FEM1B: variants seen among roughly 807,000 people sequenced by gnomAD.
FEM1B encodes protein fem-1 homolog B.
FEM1B carries 10 observed loss-of-function variants against 38.6 expected under a neutral mutation model. That is an observed-to-expected ratio of 0.26 (90% CI 0.16 to 0.44). FEM1B has a LOEUF of 0.44. FEM1B is among the 20% of genes least tolerant of loss of function. FEM1B has a pLI of 1.00. For synonymous variants in FEM1B, 288 were observed against 288.0 expected, an observed-to-expected ratio of 1.00 and a Z score of 0.00; for missense variants, 471 against 786.7, an observed-to-expected ratio of 0.60 and a Z score of 4.80.
Position 68,289,598 on chromosome 15 carries a change from C to T in FEM1B, c.249-9C>T. The stretch of plus-strand genomic sequence containing the variant: ...CTGTTATCTAACTGCTTATTCTTTT[C>T]ATGTGTAGGTATGTCATTGATGGTG... On this transcript the variant is annotated splice_polypyrimidine_tract_variant and intron_variant, in intron 1 of 1. Coordinates refer to ENST00000306917, the MANE Select transcript of FEM1B (RefSeq NM_015322.5). This position sits in a 1 kb window ranked among gnomAD's most constrained non-coding sequence, Gnocchi z 6.9. The T allele has an allele frequency of 6.2e-7, 1 of 1,609,438 alleles. No individual in the cohort carries two copies. Among genetic ancestry groups the T allele is most frequent in the African/African-American group, 1.3e-5 (1 of 74,868 alleles).
At chr15:68,287,670 G>A (rs1595841092) in intron 1 of FEM1B, among the ~76,000 whole-genome samples, 1 of 152,150 alleles carries the variant, frequency 6.6e-6, no homozygotes, top group East Asian at 1.9e-4. Context: ...TTTATGAACA[G>A]AAATTTATTT....
In FEM1B at chr15:68,294,354, T is replaced by TTTCA. The variant is rs765302188; in HGVS notation, c.*3115_*3118dup. 1 of 152,146 alleles carries TTTCA rather than the reference T, an allele frequency of 6.6e-6. No individual in the cohort carries two copies. The highest frequency in any genetic ancestry group is 1.5e-5 in the Non-Finnish European group (1 of 68,022). The allele number at this position is 152,146 out of a possible 1,614,324, so 9.4% of individuals were successfully genotyped here. ...CTGCTTGTTTCTGAGAAGGGTTTTA[T>TTTCA]TTCATTATACTAATAGTGGACTAAT... On this transcript the variant is annotated 3_prime_UTR_variant, in exon 2 of 2. Transcript: ENST00000306917. This position sits in a 1 kb window ranked among gnomAD's most constrained non-coding sequence, Gnocchi z 4.4.
rs146034870 is a variant in FEM1B, at chr15:68,281,431, G to A, written c.248+2766G>A. ...TTAGCTTCATCCCATGTAATTATGG[G>A]TTTGCTGTGTGTTTTGTGTGTGTGC... On this transcript the variant is annotated intron_variant, in intron 1 of 1. Coordinates refer to ENST00000306917, the MANE Select transcript of FEM1B (RefSeq NM_015322.5). This position sits in a 1 kb window ranked among gnomAD's most constrained non-coding sequence, Gnocchi z 5.1. 6.6e-6 allele frequency among the ~76,000 whole-genome samples: 1 copy of A among 152,134 alleles called. No homozygotes were observed. The highest frequency in any genetic ancestry group is 6.5e-5 in the Admixed American group (1 of 15,286).
Position 68,293,049 on chromosome 15 carries a change from G to T in FEM1B, c.*1807G>T, listed in dbSNP as rs1479075414. ...GGTTTTTAGGTTGGCTTAAATGGAGGTATTTATTTGAGTGAGCCCTAATTT... is the reference window on the plus strand; with the variant it reads ...GGTTTTTAGGTTGGCTTAAATGGAGTTATTTATTTGAGTGAGCCCTAATTT... On this transcript the variant is annotated 3_prime_UTR_variant, in exon 2 of 2. Coordinates refer to ENST00000306917, the MANE Select transcript of FEM1B (RefSeq NM_015322.5). This position sits in a 1 kb window ranked among gnomAD's most constrained non-coding sequence, Gnocchi z 5.8. 2 of 152,118 alleles carry T rather than the reference G, an allele frequency of 1.3e-5. No homozygotes were observed. Among genetic ancestry groups the T allele is most frequent in the Non-Finnish European group, 2.9e-5 (2 of 67,986 alleles). The allele number at this position is 152,118 out of a possible 1,614,324, so 9.4% of individuals were successfully genotyped here.
rs1365293006 is a variant in FEM1B, at chr15:68,278,360, G to A, written c.-58G>A. On this transcript the variant is annotated 5_prime_UTR_variant, in exon 1 of 2. Coordinates refer to ENST00000306917, the MANE Select transcript of FEM1B (RefSeq NM_015322.5). The surrounding 1 kb of genome is among the most constrained non-coding windows in gnomAD (Gnocchi z 5.7). ...AAAGCGCTGGCGAACGCGGCCTCCG[G>A]GGGCGCACGGCAGCTGCAGCGGTGG... is the stretch of plus-strand genomic sequence containing the variant. The A allele has an allele frequency of 2.6e-6, 4 of 1,563,918 alleles. No individual in the cohort carries two copies. The highest frequency in any genetic ancestry group is 3.5e-6 in the Non-Finnish European group (4 of 1,154,228).
Position 68,278,241 on chromosome 15 carries a change from T to C in FEM1B, c.-177T>C, listed in dbSNP as rs1229651911. On this transcript the variant is annotated 5_prime_UTR_variant, in exon 1 of 2. Coordinates refer to ENST00000306917, the MANE Select transcript of FEM1B (RefSeq NM_015322.5). This position sits in a 1 kb window ranked among gnomAD's most constrained non-coding sequence, Gnocchi z 5.7. ...GACGTGCCCTTCGCGGCACTCGGCC[T>C]CCTCTGCGTCTCCGCCTTCCCTGGG... The C allele has an allele frequency of 6.0e-6, 5 of 839,010 alleles. No homozygotes were observed. Among genetic ancestry groups the C allele is most frequent in the Non-Finnish European group, 8.9e-6 (5 of 564,214 alleles). The allele number at this position is 839,010 out of a possible 1,614,324, so 52.0% of individuals were successfully genotyped here. A position where few individuals can be genotyped will look rare whatever the true frequency, so the allele number is the denominator to read the frequency against.
chr15:68,286,374 CT>C (rs1446428803), intron 1 of FEM1B, among the ~76,000 whole-genome samples: 1 of 151,994 alleles, frequency 6.6e-6, no homozygotes, highest in Non-Finnish European at 1.5e-5. Context: ...TCAGTTCTTT[CT>C]TTCTCTCCTT....
rs1892893612 is a variant in FEM1B, at chr15:68,295,394, G to T, written c.*4152G>T. The stretch of plus-strand genomic sequence containing the variant: ...TTGTAAAATTTGTGCATGGCTTTTT[G>T]TTGTTGTTGCTTAGTAACTGGTAGA... On this transcript the variant is annotated 3_prime_UTR_variant, in exon 2 of 2. Transcript: ENST00000306917. 6.6e-6 allele frequency: 1 copy of T among 152,120 alleles called. No individual in the cohort carries two copies. The highest frequency in any genetic ancestry group is 1.5e-5 in the Non-Finnish European group (1 of 68,004). The allele number at this position is 152,120 out of a possible 1,614,324, so 9.4% of individuals were successfully genotyped here. A position where few individuals can be genotyped will look rare whatever the true frequency, so the allele number is the denominator to read the frequency against.
intron 1 of FEM1B, among the ~76,000 whole-genome samples, chr15:68,285,919 G>A (rs988928999): frequency 2.8e-4 from 42 of 149,746 alleles, no homozygotes; most frequent in African/African-American, 6.5e-4. Context: ...TTTCTTTAAC[G>A]GTTAATGCTT....
rs926718733 is a variant in FEM1B, at chr15:68,278,197, C to T, written c.-221C>T. 3.5e-6 allele frequency: 2 copies of T among 576,324 alleles called. No homozygotes were observed. Among genetic ancestry groups the T allele is most frequent in the Middle Eastern group, 4.7e-4 (1 of 2,120 alleles). 35.7% of individuals were successfully genotyped at this position (576,324 alleles called of 1,614,324 possible). A position where few individuals can be genotyped will look rare whatever the true frequency, so the allele number is the denominator to read the frequency against. The stretch of plus-strand genomic sequence containing the variant: ...CGGGCGGCCCTGACCGCCTTCCTCC[C>T]TGCGCGGGCTGGGTCGCGGACGTGC... On this transcript the variant is annotated 5_prime_UTR_variant, in exon 1 of 2. Coordinates refer to ENST00000306917, the MANE Select transcript of FEM1B (RefSeq NM_015322.5). This position sits in a 1 kb window ranked among gnomAD's most constrained non-coding sequence, Gnocchi z 5.7.
chr15:68,278,464 A>C lies in FEM1B; in HGVS notation c.47A>C (p.Lys16Thr). ...GYVYKAASEG[K>T]VLTLAALLLN... is the part of the protein sequence containing the mutation. ...GTATACAAGGCGGCCAGCGAGGGCA[A>C]GGTGCTGACTCTGGCCGCCTTGCTT... Residue 16 changes from lysine to threonine, a missense_variant, in exon 1 of 2, where the codon AAG becomes ACG. By Grantham distance (78) the Lys-to-Thr change is moderately conservative. This residue lies in a region of FEM1B where 91 missense variants were observed against 169.6 expected (regional missense o/e 0.54). Transcript: ENST00000306917. This position sits in a 1 kb window ranked among gnomAD's most constrained non-coding sequence, Gnocchi z 5.7. 1 of 1,613,670 alleles carries C rather than the reference A, an allele frequency of 6.2e-7. No homozygotes were observed. Among genetic ancestry groups the C allele is most frequent in the Non-Finnish European group, 8.5e-7 (1 of 1,180,018 alleles).
In FEM1B at chr15:68,281,567, C is replaced by T. The variant is rs1247393533; in HGVS notation, c.248+2902C>T. On this transcript the variant is annotated intron_variant, in intron 1 of 1. Transcript: ENST00000306917. This position sits in a 1 kb window ranked among gnomAD's most constrained non-coding sequence, Gnocchi z 5.1. ...CTAAAGTGGATTCATGATAGAGCCT[C>T]GAGGGGAAAGGGACCACCCACCTAG... Among the ~76,000 whole-genome samples the T allele has an allele frequency of 1.3e-5, 2 of 151,940 alleles. No individual in the cohort carries two copies. The highest frequency in any genetic ancestry group is 1.9e-4 in the East Asian group (1 of 5,198).
Position 68,291,175 on chromosome 15 carries a change from G to T in FEM1B, c.1817G>T (p.Arg606Leu). The change falls in exon 2 of 2, where the codon CGG becomes CTG. Residue 606 changes from arginine (R) to leucine (L), a missense_variant. Coordinates refer to ENST00000306917, the MANE Select transcript of FEM1B (RefSeq NM_015322.5). This position sits in a 1 kb window ranked among gnomAD's most constrained non-coding sequence, Gnocchi z 6.9. Reference sequence around the variant, plus strand: ...AAGTGCCTGGCTGCCCGAGCAGTTCGGGCTAATGACATTAACTACCAAGAC... The same window carrying T: ...AAGTGCCTGGCTGCCCGAGCAGTTCTGGCTAATGACATTAACTACCAAGAC... The part of the protein sequence containing the change: ...SLKCLAARAV[R>L]ANDINYQDQI... 6.2e-7 allele frequency: 1 copy of T among 1,613,906 alleles called. No homozygotes were observed. The highest frequency in any genetic ancestry group is 8.5e-7 in the Non-Finnish European group (1 of 1,179,946).
At position 68,290,572 on chromosome 15, in the gene FEM1B, C is replaced by T. The variant is rs1478101531; in HGVS notation, c.1214C>T (p.Pro405Leu). 6.2e-7 allele frequency: 1 copy of T among 1,614,054 alleles called. No homozygotes were observed. The highest frequency in any genetic ancestry group is 1.3e-5 in the African/African-American group (1 of 74,922). The change falls in exon 2 of 2, where the codon CCA (proline) becomes CTA (leucine). Residue 405 changes from proline (P) to leucine (L), a missense_variant. By Grantham distance (98) the Pro-to-Leu change is moderately conservative. Around this residue, in one of 3 missense-constraint regions of FEM1B, gnomAD observed 380 missense variants for 599.6 expected, o/e 0.63. Coordinates refer to ENST00000306917, the MANE Select transcript of FEM1B (RefSeq NM_015322.5). The surrounding 1 kb of genome is among the most constrained non-coding windows in gnomAD (Gnocchi z 9.7). Reference sequence around the variant, plus strand: ...CATTTGAATGAAACTGTGAAGGCCCCAGACATAGAATGTGTTTTGAGATGC... The same window carrying T: ...CATTTGAATGAAACTGTGAAGGCCCTAGACATAGAATGTGTTTTGAGATGC... ...MIHLNETVKAPDIECVLRCSV... is the reference protein window; with the variant it reads ...MIHLNETVKALDIECVLRCSV...
chr15:68,284,076 G>A lies in FEM1B; in HGVS notation c.248+5411G>A, dbSNP rs576104676. On this transcript the variant is annotated intron_variant, in intron 1 of 1. Transcript: ENST00000306917. This position sits in a 1 kb window ranked among gnomAD's most constrained non-coding sequence, Gnocchi z 4.4. ...AATTTTGTATTTTTAGTAGAGATGG[G>A]GTTTTTCCGTGTTGGTCAGGCTGGT... 7.7e-4 allele frequency among the ~76,000 whole-genome samples: 117 copies of A among 152,078 alleles called. No individual in the cohort carries two copies. The highest frequency in any genetic ancestry group is 2.7e-3 in the African/African-American group (113 of 41,516).
rs1205352335 is a variant in FEM1B, at chr15:68,289,294, C to G, written c.249-313C>G. On this transcript the variant is annotated intron_variant, in intron 1 of 1. Coordinates refer to ENST00000306917, the MANE Select transcript of FEM1B (RefSeq NM_015322.5). The surrounding 1 kb of genome is among the most constrained non-coding windows in gnomAD (Gnocchi z 6.9). ...CAACTTGGTGATGAAGAAGCTACCT[C>G]CACGCATTTCCTCTGTGCCTTCTGA... 8.0e-6 allele frequency: 2 copies of G among 249,960 alleles called. No homozygotes were observed. The highest frequency in any genetic ancestry group is 1.7e-4 in the East Asian group (2 of 12,022). 15.5% of individuals were successfully genotyped at this position (249,960 alleles called of 1,614,324 possible). A position where few individuals can be genotyped will look rare whatever the true frequency, so the allele number is the denominator to read the frequency against.
rs964705326 is a variant in FEM1B, at chr15:68,281,673, A to T, written c.248+3008A>T. Among the ~76,000 whole-genome samples the T allele has an allele frequency of 6.6e-6, 1 of 151,924 alleles. No homozygotes were observed. Among genetic ancestry groups the T allele is most frequent in the Non-Finnish European group, 1.5e-5 (1 of 67,982 alleles). On this transcript the variant is annotated intron_variant, in intron 1 of 1. Coordinates refer to ENST00000306917, the MANE Select transcript of FEM1B (RefSeq NM_015322.5). This position sits in a 1 kb window ranked among gnomAD's most constrained non-coding sequence, Gnocchi z 5.1. ...CGCTCTGTCGCCGGGGCTGGAGTGC[A>T]GTGGCGCGATCTCGGCTCACTGCAA...
chr15:68,281,979 A>G lies in FEM1B; in HGVS notation c.248+3314A>G, dbSNP rs944592845. 1.3e-5 allele frequency among the ~76,000 whole-genome samples: 2 copies of G among 152,168 alleles called. No homozygotes were observed. Among genetic ancestry groups the G allele is most frequent in the African/African-American group, 4.8e-5 (2 of 41,430 alleles). ...ACTTGTGGCGTGACATGTGAATACCATGTTGATATAGATGAGTGGACAAGA... is the reference window on the plus strand; with the variant it reads ...ACTTGTGGCGTGACATGTGAATACCGTGTTGATATAGATGAGTGGACAAGA... On this transcript the variant is annotated intron_variant, in intron 1 of 1. Transcript: ENST00000306917. The surrounding 1 kb of genome is among the most constrained non-coding windows in gnomAD (Gnocchi z 5.1).
chr15:68,279,113 C>T (rs1481395628), intron 1 of FEM1B, among the ~76,000 whole-genome samples: 2 of 152,190 alleles, frequency 1.3e-5, no homozygotes, highest in Non-Finnish European at 2.9e-5. Context: ...GTGAGTGGTT[C>T]CGTAAAACCT....
Sources: gnomAD v4.1 joint callset for allele counts (sites outside exome capture counted in the v4.1 genomes callset) on GRCh38, gnomAD v4.1.1 for gene constraint, gnomAD v4.1.1 regional missense constraint, Gnocchi (gnomAD v3.1) non-coding constraint, MANE v1.5 for transcripts, NCBI Gene and HGNC (gene_info 2026-07-23, HGNC 2026-07-21) for gene names.